Variants in ZNF569 observed in about 807,000 individuals in gnomAD.
ZNF569 encodes the protein zinc finger protein 569, also known as DNA-binding protein.
A neutral mutation model predicts 56.3 loss-of-function variants in ZNF569; 38 were observed. That is an observed-to-expected ratio of 0.68 (90% CI 0.52 to 0.88). The LOEUF is 0.88. ZNF569 is among the 40% of genes least tolerant of loss of function. The probability of loss-of-function intolerance (pLI) is 0.00; values close to 1 mark genes in which losing one functional copy is unlikely to be tolerated. For missense variants in ZNF569, 666 were observed against 809.2 expected, an observed-to-expected ratio of 0.82 and a Z score of 2.15; for synonymous variants, 241 against 262.9, an observed-to-expected ratio of 0.92 and a Z score of 0.81.
intron 2 of ZNF569, among the ~76,000 whole-genome samples, chr19:37,459,881 A>G (rs898113950): frequency 6.6e-6 from 1 of 152,206 alleles, no homozygotes; most frequent in Non-Finnish European, 1.5e-5. Context: ...CATTTTCAAA[A>G]GTGAATTTAG....
At chr19:37,455,035 T>C in intron 2 of ZNF569, 1 of 545,700 alleles carries the variant, frequency 1.8e-6, no homozygotes, top group East Asian at 3.1e-5. Context: ...TTCCTTGTTG[T>C]AATGATTGAA....
At chr19:37,450,621 AATTT>A (rs1190554464) in intron 2 of ZNF569, among the ~76,000 whole-genome samples, 1 of 151,580 alleles carries the variant, frequency 6.6e-6, no homozygotes, top group Non-Finnish European at 1.5e-5. Flanking sequence ...TTTTCTATTT[AATTT>A]ATTTATGCTC....
intron 3 of ZNF569, among the ~76,000 whole-genome samples, chr19:37,426,660 C>A (rs886799737): frequency 7.9e-5 from 12 of 151,874 alleles, no homozygotes; most frequent in Non-Finnish European, 1.3e-4. Context: ...TCACAAGATA[C>A]CAAAGGCAGG....
chr19:37,467,676 T>C (rs557897723), upstream of ZNF569: 2 of 610,770 alleles, frequency 3.3e-6, no homozygotes, highest in African/African-American at 3.7e-5. Flanking sequence ...GCTGGAGCCT[T>C]AAGGTCCTGA....
At chr19:37,416,507 A>G (rs1444355789) in intron 5 of ZNF569, among the ~76,000 whole-genome samples, 2 of 152,190 alleles carry the variant, frequency 1.3e-5, no homozygotes, top group African/African-American at 4.8e-5. Context: ...TCAATGCCTT[A>G]CATAAAATGA....
Position 37,425,807 on chromosome 19 carries a change from C to A in ZNF569, c.238+61G>T, listed in dbSNP as rs989584475. On this transcript the variant is annotated intron_variant, in intron 5 of 5. Transcript: ENST00000316950. The stretch of plus-strand genomic sequence containing the variant: ...GAATATTTTAGAGGGATCAACCATT[C>A]ACTGATTAATCATTAATAGGCCCTG... 4 of 1,280,850 alleles carry A rather than the reference C, an allele frequency of 3.1e-6. No individual in the cohort carries two copies. The African/African-American group carries it at 4.4e-5, about 14-fold the overall frequency. 79.3% of individuals were successfully genotyped at this position (1,280,850 alleles called of 1,614,324 possible). A position where few individuals can be genotyped will look rare whatever the true frequency, so the allele number is the denominator to read the frequency against.
chr19:37,438,148 C>T (rs1476116972), intron 3 of ZNF569, among the ~76,000 whole-genome samples: 1 of 152,048 alleles, frequency 6.6e-6, no homozygotes, highest in Non-Finnish European at 1.5e-5. Flanking sequence ...TGCCTGTAAT[C>T]CCAGCACTTT....
upstream of ZNF569, chr19:37,468,062 G>T: frequency 1.3e-6 from 1 of 760,854 alleles, no homozygotes; most frequent in Non-Finnish European, 2.1e-6. Flanking sequence ...ACTTCTCTAT[G>T]CCTTTCGTGT....
At chr19:37,439,163 C>A (rs957198772) in intron 3 of ZNF569, among the ~76,000 whole-genome samples, 5 of 152,116 alleles carry the variant, frequency 3.3e-5, no homozygotes, top group African/African-American at 1.2e-4. Context: ...CTCCGCCTCC[C>A]GGGTTCAAGC....
chr19:37,411,174 A>G lies in ZNF569; in HGVS notation c.*1423T>C, dbSNP rs527929043. 1 of 152,186 alleles carries G rather than the reference A, an allele frequency of 6.6e-6. No homozygotes were observed. Among genetic ancestry groups the G allele is most frequent in the Non-Finnish European group, 1.5e-5 (1 of 68,020 alleles). The allele number at this position is 152,186 out of a possible 1,614,324, so 9.4% of individuals were successfully genotyped here. ...CTGTCATATTTGCTTTCACTCTTTT[A>G]TTAAAGAAATATTACAGATAAATAT... On this transcript the variant is annotated 3_prime_UTR_variant, in exon 6 of 6. Transcript: ENST00000316950.
At position 37,412,975 on chromosome 19, in the gene ZNF569, C is replaced by G. The variant is rs753050326; in HGVS notation, c.1683G>C (p.Gln561His). The change falls in exon 6 of 6, where the codon CAG becomes CAC. Residue 561 changes from glutamine to histidine, a missense_variant. Coordinates refer to ENST00000316950, the MANE Select transcript of ZNF569 (RefSeq NM_152484.3). ...ECDKCGKAFS[Q>H]CSLLNLHMRS... ...TCATATGTAAATTAAGCAGTGAGCACTGAGAGAAGGCTTTACCACATTTAT... is the reference window on the plus strand; with the variant it reads ...TCATATGTAAATTAAGCAGTGAGCAGTGAGAGAAGGCTTTACCACATTTAT... The G allele has an allele frequency of 6.2e-7, 1 of 1,613,258 alleles. No homozygotes were observed. Among genetic ancestry groups the G allele is most frequent in the South Asian group, 1.1e-5 (1 of 91,034 alleles).
chr19:37,458,175 A>G (rs929551067), intron 2 of ZNF569, among the ~76,000 whole-genome samples: 28 of 152,238 alleles, frequency 1.8e-4, no homozygotes, highest in African/African-American at 6.7e-4. Context: ...CCAGCCTGAT[A>G]TTTTTATATT....
chr19:37,441,291 A>G lies in ZNF569; in HGVS notation c.15+3616T>C, dbSNP rs115013083. On this transcript the variant is annotated intron_variant, in intron 3 of 5. Transcript: ENST00000316950. ...GAAAAGTGTCATGTCAAACTGAGAGAATAACTTCTAAGTAGCTTTCAGTTC... is the reference window on the plus strand; with the variant it reads ...GAAAAGTGTCATGTCAAACTGAGAGGATAACTTCTAAGTAGCTTTCAGTTC... Among the ~76,000 whole-genome samples, 1,069 of 152,258 alleles carry G rather than the reference A, an allele frequency of 7.0e-3. 14 individuals are homozygous for G. The highest frequency in any genetic ancestry group is 0.024 in the African/African-American group (997 of 41,550).
intron 3 of ZNF569, among the ~76,000 whole-genome samples, chr19:37,438,876 T>C (rs1374713657): frequency 6.6e-6 from 1 of 152,074 alleles, no homozygotes; most frequent in Admixed American, 6.6e-5. Flanking sequence ...ATAACTAGAA[T>C]ATATAAGGAG....
chr19:37,447,583 T>G (rs2041518973), intron 2 of ZNF569, among the ~76,000 whole-genome samples: 1 of 152,210 alleles, frequency 6.6e-6, no homozygotes. Flanking sequence ...TTTATGTCTT[T>G]TATGTACTTT....
At position 37,413,004 on chromosome 19, in the gene ZNF569, ATTCATAAGGCT is replaced by A; in HGVS notation, c.1643_1653del (p.Lys548MetfsTer2). The A allele has an allele frequency of 1.2e-6, 2 of 1,613,852 alleles. No individual in the cohort carries two copies. The highest frequency in any genetic ancestry group is 1.7e-6 in the Non-Finnish European group (2 of 1,179,886). ...GAGAAGGCTTTACCACATTTATCAC[ATTCATAAGGCT>A]TTTCCCCTGTATGACTTCTCAAATG... On this transcript the variant is annotated frameshift_variant, in exon 6 of 6. Transcript: ENST00000316950. LOFTEE classifies it high-confidence loss of function.
chr19:37,433,057 C>A (rs8109806), intron 3 of ZNF569, among the ~76,000 whole-genome samples: 12,066 of 151,884 alleles, frequency 0.079, 714 homozygotes, highest in African/African-American at 0.17. Context: ...GTGCATGCCA[C>A]CATACCTAAC....
chr19:37,469,025 T>C (rs2041903789), upstream of ZNF569: 1 of 985,610 alleles, frequency 1.0e-6, no homozygotes, highest in African/African-American at 1.7e-5. Context: ...CCCGCCCTGG[T>C]TGCTAAGGGA....
At chr19:37,433,160 T>G (rs1336461613) in intron 3 of ZNF569, among the ~76,000 whole-genome samples, 1 of 152,070 alleles carries the variant, frequency 6.6e-6, no homozygotes, top group African/African-American at 2.4e-5. Flanking sequence ...CAAGTGATCC[T>G]CATGCTTTGG....
Sources: gnomAD v4.1 joint callset for allele counts (sites outside exome capture counted in the v4.1 genomes callset) on GRCh38, gnomAD v4.1.1 for gene constraint, MANE v1.5 for transcripts, NCBI Gene and HGNC (gene_info 2026-07-23, HGNC 2026-07-21) for gene names.